The following CD38 variants were observed in gnomAD, a reference collection of about 807,000 sequenced individuals.
CD38 encodes ADP-ribosyl cyclase/cyclic ADP-ribose hydrolase 1.
A neutral mutation model predicts 36.3 loss-of-function variants in CD38; 31 were observed. The observed-to-expected ratio is 0.85, with a 90% CI of 0.64 to 1.15. The LOEUF (loss-of-function observed/expected upper bound fraction) is 1.15, where lower values mean the gene tolerates loss of function less well. Ranked by LOEUF, CD38 falls within the 50% of genes most tolerant of loss-of-function variation. The pLI is 0.00. For synonymous variants in CD38, 131 were observed against 135.2 expected (o/e 0.97, Z 0.22); for missense variants, 380 against 371.9 (o/e 1.02, Z -0.18).
At chr4:15,789,216 T>C (rs1456875278) in intron 1 of CD38, among the ~76,000 whole-genome samples, 1 of 152,208 alleles carries the variant, frequency 6.6e-6, no homozygotes, top group Non-Finnish European at 1.5e-5. Context: ...CCAGAAACTC[T>C]TTTAGATCCT....
chr4:15,841,610 G>A (rs948148962), intron 7 of CD38, among the ~76,000 whole-genome samples: 1 of 149,810 alleles, frequency 6.7e-6, no homozygotes, highest in Non-Finnish European at 1.5e-5. Context: ...CGTGAGCGAC[G>A]CAGAAGACGG....
At chr4:15,834,166 T>C (rs1724014431) in intron 3 of CD38, 51 bp from the exon 4 acceptor site, 1 of 1,187,320 alleles carries the variant, frequency 8.4e-7, no homozygotes, top group South Asian at 1.2e-5. Flanking sequence ...GAGTACAGCT[T>C]ATTTATACTC....
intron 1 of CD38, among the ~76,000 whole-genome samples, chr4:15,812,279 T>C (rs1214219186): frequency 3.3e-5 from 5 of 152,214 alleles, no homozygotes; most frequent in African/African-American, 1.2e-4. Context: ...CTCTTCTGTG[T>C]TCCTTACATT....
At chr4:15,782,652 C>T (rs781428126) in intron 1 of CD38, among the ~76,000 whole-genome samples, 4 of 152,164 alleles carry the variant, frequency 2.6e-5, no homozygotes, top group African/African-American at 4.8e-5. Flanking sequence ...CCCCAGTGAA[C>T]GACCTAATAC....
intron 7 of CD38, among the ~76,000 whole-genome samples, chr4:15,841,748 G>A (rs996981840): frequency 2.0e-5 from 3 of 148,028 alleles, no homozygotes; most frequent in Non-Finnish European, 4.4e-5. Context: ...CCTCACCTGG[G>A]AAGCGCAAGG....
intron 1 of CD38, among the ~76,000 whole-genome samples, chr4:15,793,366 T>C (rs565380957): frequency 2.0e-5 from 3 of 152,262 alleles, no homozygotes; most frequent in Admixed American, 6.5e-5. Flanking sequence ...AGTTTTTATT[T>C]AACATGTTAA....
At chr4:15,794,289 G>T (rs1723064064) in intron 1 of CD38, among the ~76,000 whole-genome samples, 1 of 152,180 alleles carries the variant, frequency 6.6e-6, no homozygotes. Flanking sequence ...TATACATAGG[G>T]TTTAGTACTA....
chr4:15,785,436 G>C (rs1030387264), intron 1 of CD38, among the ~76,000 whole-genome samples: 1 of 152,132 alleles, frequency 6.6e-6, no homozygotes, highest in South Asian at 2.1e-4. Context: ...TTCCCAGCAA[G>C]GTCAGTGGAA....
At position 15,850,426 on chromosome 4, in the gene CD38, CTGGATTCATATTT is replaced by C. The variant is rs573903707; in HGVS notation, c.*1827_*1839del. 1.2e-4 allele frequency: 19 copies of C among 152,342 alleles called. No homozygotes were observed. The South Asian group carries it at 3.7e-3, about 30-fold the overall frequency. 9.4% of individuals were successfully genotyped at this position (152,342 alleles called of 1,614,324 possible). ...GCCTAAATGTTGGAGTCAGGCATTTCTGGATTCATATTTTGACATCATGCTGTCATCTTGAACA... is the reference window on the plus strand; with the variant it reads ...GCCTAAATGTTGGAGTCAGGCATTTCTGACATCATGCTGTCATCTTGAACA... On this transcript the variant is annotated 3_prime_UTR_variant, in exon 8 of 8. Transcript: ENST00000226279.
intron 1 of CD38, among the ~76,000 whole-genome samples, chr4:15,785,889 G>A (rs1033469516): frequency 4.6e-5 from 7 of 152,170 alleles, no homozygotes; most frequent in African/African-American, 1.7e-4. Context: ...TCTGGTGTTG[G>A]ACATGTTCGG....
intron 4 of CD38, 103 bp downstream of exon 4, chr4:15,834,405 T>G: frequency 2.7e-6 from 2 of 736,220 alleles, no homozygotes; most frequent in Non-Finnish European, 2.4e-6. Flanking sequence ...CAAATACTTT[T>G]AGGAATGAAA....
At chr4:15,784,104 C>T (rs1281674181) in intron 1 of CD38, among the ~76,000 whole-genome samples, 1 of 152,212 alleles carries the variant, frequency 6.6e-6, no homozygotes, top group Non-Finnish European at 1.5e-5. Flanking sequence ...GGCCTGTACA[C>T]AGCCAAGAGG....
chr4:15,829,735 T>C (rs149144994), intron 3 of CD38, among the ~76,000 whole-genome samples: 1 of 152,324 alleles, frequency 6.6e-6, no homozygotes, highest in Non-Finnish European at 1.5e-5. Flanking sequence ...CTCCCCACAA[T>C]GTCTTGCTAC....
At chr4:15,785,963 C>T (rs550928947) in intron 1 of CD38, among the ~76,000 whole-genome samples, 231 of 152,234 alleles carry the variant, frequency 1.5e-3, no homozygotes, top group Non-Finnish European at 2.4e-3. Flanking sequence ...CAGACCTTCA[C>T]GGTGAGTGTT....
intron 1 of CD38, among the ~76,000 whole-genome samples, chr4:15,805,045 T>G (rs750805937): frequency 5.3e-5 from 8 of 152,182 alleles, no homozygotes; most frequent in Non-Finnish European, 8.8e-5. Flanking sequence ...TATGTGCAAT[T>G]ACATGTCATT....
chr4:15,834,228 C>A lies in CD38; in HGVS notation c.511C>A (p.Gln171Lys). 2 of 1,605,982 alleles carry A rather than the reference C, an allele frequency of 1.2e-6. No homozygotes were observed. The highest frequency in any genetic ancestry group is 1.7e-5 in the Admixed American group (1 of 60,002). The change falls in exon 4 of 8, where the codon CAA (glutamine) becomes AAA (lysine). Residue 171 changes from glutamine (Q) to lysine (K), a missense_variant. By Grantham distance (53) the Gln-to-Lys change is moderately conservative. Transcript: ENST00000226279. ...ACTATGTCTTTTAGAAATAAACTAT[C>A]AATCTTGCCCAGACTGGAGAAAGGA... is the stretch of plus-strand genomic sequence containing the variant. ...GEFNTSKINY[Q>K]SCPDWRKDCS...
chr4:15,785,897 C>A (rs138263908), intron 1 of CD38, among the ~76,000 whole-genome samples: 1 of 152,094 alleles, frequency 6.6e-6, no homozygotes, highest in Non-Finnish European at 1.5e-5. Context: ...TGGACATGTT[C>A]GGAGTTTCTT....
chr4:15,796,403 C>A (rs1723104973), intron 1 of CD38, among the ~76,000 whole-genome samples: 1 of 152,044 alleles, frequency 6.6e-6, no homozygotes, highest in Non-Finnish European at 1.5e-5. Flanking sequence ...ATCCTCATAT[C>A]CTCCTTCAAT....
At chr4:15,779,618 A>T (rs1055223235) in intron 1 of CD38, among the ~76,000 whole-genome samples, 1 of 152,218 alleles carries the variant, frequency 6.6e-6, no homozygotes, top group Admixed American at 6.5e-5. Context: ...AGCACACTCA[A>T]CAGTTCCGGT....
Sources: allele counts gnomAD v4.1 joint callset (sites outside exome capture counted in the v4.1 genomes callset), GRCh38; gene constraint gnomAD v4.1.1; transcripts MANE v1.5; gene names NCBI Gene and HGNC (gene_info 2026-07-23, HGNC 2026-07-21).